TTC7B: variants seen among roughly 807,000 people sequenced by gnomAD.
TTC7B encodes tetratricopeptide repeat protein 7B.
In TTC7B, 28 loss-of-function variants were observed where a neutral mutation model predicts 106.8. The observed-to-expected ratio is 0.26, with a 90% confidence interval of 0.19 to 0.36. The LOEUF (loss-of-function observed/expected upper bound fraction) is 0.36, where lower values mean the gene tolerates loss of function less well. TTC7B is among the 10% of genes least tolerant of loss of function. The pLI is 1.00. For synonymous variants in TTC7B, 405 were observed against 430.6 expected, an observed-to-expected ratio of 0.94 and a Z score of 0.74; for missense variants, 862 against 1,076.4, an observed-to-expected ratio of 0.80 and a Z score of 2.79.
chr14:90,724,673 C>A (rs1318669521), intron 5 of TTC7B, among the ~76,000 whole-genome samples: 1 of 152,210 alleles, frequency 6.6e-6, no homozygotes, highest in Non-Finnish European at 1.5e-5. Flanking sequence ...ATAAGCCAAG[C>A]AGATGTCAGC....
intron 5 of TTC7B, among the ~76,000 whole-genome samples, chr14:90,704,153 T>C (rs2139958460): frequency 6.6e-6 from 1 of 152,318 alleles, no homozygotes; most frequent in South Asian, 2.1e-4. Context: ...AGCTTCTGAC[T>C]CCATGCTCAA....
chr14:90,526,606 C>T lies in TTC7B; in HGVS notation c.*14762G>A, dbSNP rs778243264. On this transcript the variant is annotated 3_prime_UTR_variant, in exon 20 of 20. Transcript: ENST00000328459. ...GTCTTGAATTGTAGTTCCCATAATC[C>T]CCACATGTCATGGGAGGGACCCGGT... 1 of 152,134 alleles carries T rather than the reference C, an allele frequency of 6.6e-6. No individual in the cohort carries two copies. Among genetic ancestry groups the T allele is most frequent in the African/African-American group, 2.4e-5 (1 of 41,414 alleles). The allele number at this position is 152,134 out of a possible 1,614,324, so 9.4% of individuals were successfully genotyped here.
chr14:90,583,929 A>C (rs1891611996), intron 18 of TTC7B, among the ~76,000 whole-genome samples: 1 of 151,976 alleles, frequency 6.6e-6, no homozygotes, highest in Non-Finnish European at 1.5e-5. Context: ...CGCCTTTCCA[A>C]CCTCCTCTTT....
At chr14:90,546,083 T>A (rs553709739) in intron 19 of TTC7B, among the ~76,000 whole-genome samples, 1 of 152,216 alleles carries the variant, frequency 6.6e-6, no homozygotes, top group African/African-American at 2.4e-5. Flanking sequence ...CTCTCCCCAG[T>A]GAGCCAGGAG....
chr14:90,781,166 G>A (rs1891208478), intron 2 of TTC7B, among the ~76,000 whole-genome samples: 1 of 152,156 alleles, frequency 6.6e-6, no homozygotes, highest in African/African-American at 2.4e-5. Context: ...CAACATAGAC[G>A]AACCCTAAAA....
rs57253992 is a variant in TTC7B at position 90,666,311 on chromosome 14, G to A, written c.1153-7924C>T. Among the ~76,000 whole-genome samples, 811 of 152,216 alleles carry A rather than the reference G, an allele frequency of 5.3e-3. 9 individuals carry two copies. The highest frequency in any genetic ancestry group is 0.018 in the African/African-American group (738 of 41,528). ...CAAATAGCTGGGATTACAGGCGTGCGCCACCACGCCTGGCTAATTTTGTAT... is the reference window on the plus strand; with the variant it reads ...CAAATAGCTGGGATTACAGGCGTGCACCACCACGCCTGGCTAATTTTGTAT... On this transcript the variant is annotated intron_variant, in intron 9 of 19. Transcript: ENST00000328459.
At position 90,786,044 on chromosome 14, in the gene TTC7B, C is replaced by T. The variant is rs909008921; in HGVS notation, c.276+130G>A. 8.0e-6 allele frequency: 9 copies of T among 1,121,068 alleles called. No homozygotes were observed. The Admixed American group carries it at 2.2e-4, about 27-fold the overall frequency. The allele number at this position is 1,121,068 out of a possible 1,614,324, so 69.4% of individuals were successfully genotyped here. A position where few individuals can be genotyped will look rare whatever the true frequency, so the allele number is the denominator to read the frequency against. ...ACATCCACCCAACTGGGAGCTGGCC[C>T]GCTTCTAAGAAGACAAGCCCTGGCA... On this transcript the variant is annotated intron_variant, in intron 2 of 19. Coordinates refer to ENST00000328459, the MANE Select transcript of TTC7B (RefSeq NM_001010854.2).
chr14:90,707,971 C>T (rs537520084), intron 5 of TTC7B, among the ~76,000 whole-genome samples: 33 of 151,844 alleles, frequency 2.2e-4, no homozygotes, highest in South Asian at 6.3e-4. Context: ...ATAGTGAAAC[C>T]CCACATCTAC....
rs1399934889 is a variant in TTC7B at position 90,805,474 on chromosome 14, C to T, written c.121+10701G>A. Among the ~76,000 whole-genome samples the T allele has an allele frequency of 1.3e-5, 2 of 152,148 alleles. No individual in the cohort carries two copies. Among genetic ancestry groups the T allele is most frequent in the South Asian group, 2.1e-4 (1 of 4,826 alleles). On this transcript the variant is annotated intron_variant, in intron 1 of 19. Transcript: ENST00000328459. This position sits in a 1 kb window ranked among gnomAD's most constrained non-coding sequence, Gnocchi z 4.0. Reference sequence around the variant, plus strand: ...AGAGACAGAGTTTCACCATGTTGGCCGGGCTGGTCTCGAAATCCTCACCTC... The same window carrying T: ...AGAGACAGAGTTTCACCATGTTGGCTGGGCTGGTCTCGAAATCCTCACCTC...
At chr14:90,729,565 G>A (rs993384878) in intron 5 of TTC7B, among the ~76,000 whole-genome samples, 12 of 152,204 alleles carry the variant, frequency 7.9e-5, no homozygotes, top group Non-Finnish European at 1.3e-4. Flanking sequence ...AAATGCACTC[G>A]AGAGCTGTCC....
intron 19 of TTC7B, chr14:90,569,949 C>A (rs1890964765): frequency 6.6e-6 from 1 of 152,252 alleles, no homozygotes; most frequent in South Asian, 2.1e-4. Flanking sequence ...CCATGCCTTC[C>A]AAATGGGATA....
At chr14:90,634,932 G>A (rs1595228853) in intron 15 of TTC7B, among the ~76,000 whole-genome samples, 1 of 152,294 alleles carries the variant, frequency 6.6e-6, no homozygotes, top group Admixed American at 6.5e-5. Context: ...TAGCAAAAGT[G>A]TACAATAGCA....
At chr14:90,736,370 A>C (rs945804959) in intron 4 of TTC7B, among the ~76,000 whole-genome samples, 1 of 152,098 alleles carries the variant, frequency 6.6e-6, no homozygotes, top group Non-Finnish European at 1.5e-5. Context: ...CAGGAGTTCG[A>C]GAACAGCCTG....
rs1293671108 is a variant in TTC7B at position 90,538,779 on chromosome 14, C to G, written c.*2589G>C. 1 of 152,084 alleles carries G rather than the reference C, an allele frequency of 6.6e-6. No homozygotes were observed. The highest frequency in any genetic ancestry group is 1.9e-4 in the East Asian group (1 of 5,172). The allele number at this position is 152,084 out of a possible 1,614,324, so 9.4% of individuals were successfully genotyped here. A position where few individuals can be genotyped will look rare whatever the true frequency, so the allele number is the denominator to read the frequency against. Reference sequence around the variant, plus strand: ...CCTTTTAGGTAGAAGTGATGGAAACCCCTGTGCTTGCACTAAGCAAGATGG... The same window carrying G: ...CCTTTTAGGTAGAAGTGATGGAAACGCCTGTGCTTGCACTAAGCAAGATGG... On this transcript the variant is annotated 3_prime_UTR_variant, in exon 20 of 20. Coordinates refer to ENST00000328459, the MANE Select transcript of TTC7B (RefSeq NM_001010854.2).
intron 1 of TTC7B, among the ~76,000 whole-genome samples, chr14:90,800,211 T>C (rs553420708): frequency 1.6e-4 from 25 of 152,076 alleles, no homozygotes; most frequent in Non-Finnish European, 3.4e-4. Context: ...AGGCTACAAA[T>C]GGTTAGGAGG....
At chr14:90,574,285 C>T (rs1267751611) in intron 19 of TTC7B, among the ~76,000 whole-genome samples, 1 of 152,182 alleles carries the variant, frequency 6.6e-6, no homozygotes, top group Non-Finnish European at 1.5e-5. Context: ...CAAAAATATG[C>T]CTTTAGATTT....
intron 19 of TTC7B, among the ~76,000 whole-genome samples, chr14:90,547,404 G>T (rs1018833057): frequency 2.0e-5 from 3 of 152,246 alleles, no homozygotes; most frequent in Non-Finnish European, 2.9e-5. Flanking sequence ...GCCCCGGAAG[G>T]CTCCTGTGTG....
At chr14:90,593,696 C>G (rs777222619) in intron 17 of TTC7B, 70 bp from the exon 18 acceptor site, 69 of 1,436,352 alleles carry the variant, frequency 4.8e-5, no homozygotes, top group Non-Finnish European at 6.3e-5. Flanking sequence ...CCCCTTCCCA[C>G]ACAGACAAGC....
At position 90,785,559 on chromosome 14, in the gene TTC7B, G is replaced by T. The variant is rs369687973; in HGVS notation, c.276+615C>A. On this transcript the variant is annotated intron_variant, in intron 2 of 19. Coordinates refer to ENST00000328459, the MANE Select transcript of TTC7B (RefSeq NM_001010854.2). ...CATGAAAAGCAAAAGGAACTGATGA[G>T]GAGTCCAAGAAGAAAGGAAGGAAAG... is the stretch of plus-strand genomic sequence containing the variant. 2.6e-5 allele frequency among the ~76,000 whole-genome samples: 4 copies of T among 152,134 alleles called. No homozygotes were observed. The South Asian group carries it at 8.3e-4, about 32-fold the overall frequency.
Sources: allele counts gnomAD v4.1 joint callset (sites outside exome capture counted in the v4.1 genomes callset), GRCh38; gene constraint gnomAD v4.1.1; non-coding constraint Gnocchi (gnomAD v3.1); transcripts MANE v1.5; gene names NCBI Gene and HGNC (gene_info 2026-07-23, HGNC 2026-07-21).